The following SYT14 variants were observed in gnomAD, a reference collection of about 807,000 sequenced individuals.
SYT14 encodes synaptotagmin 14, also known as synaptotagmin-14.
In SYT14, 32 loss-of-function variants were observed where a neutral mutation model predicts 74.2. The observed-to-expected ratio is 0.43, with a 90% CI of 0.33 to 0.58. SYT14 has a LOEUF of 0.58. Ranked by LOEUF, SYT14 falls within the 20% of genes least tolerant of loss-of-function variation. The pLI is 0.05. For missense variants in SYT14, 791 were observed against 981.8 expected (o/e 0.81, Z 2.60); for synonymous variants, 298 against 337.7 (o/e 0.88, Z 1.29).
chr1:210,095,850 A>C (rs540111019), intron 6 of SYT14, among the ~76,000 whole-genome samples: 2 of 152,048 alleles, frequency 1.3e-5, no homozygotes, highest in Non-Finnish European at 2.9e-5. Context: ...TTTAAGTTTA[A>C]TATATCATTA....
exon 7 of SYT14, chr1:210,100,410 T>A (rs2082042628): frequency 2.5e-6 from 4 of 1,613,488 alleles, no homozygotes; most frequent in Non-Finnish European, 3.4e-6. Flanking sequence ...AATTGAATCT[T>A]CAAGGGAAAA....
At chr1:210,162,298 C>T (rs1237753214) in exon 10 of SYT14, 2 of 441,004 alleles carry the variant, frequency 4.5e-6, no homozygotes, top group Non-Finnish European at 4.5e-6. Flanking sequence ...ATTAAGCCTT[C>T]GATTTTTATA....
intron 5 of SYT14, among the ~76,000 whole-genome samples, chr1:210,046,088 T>A (rs1572208053): frequency 6.6e-6 from 1 of 152,202 alleles, no homozygotes; most frequent in Non-Finnish European, 1.5e-5. Flanking sequence ...AATTTACTCA[T>A]GGCTGGGTAT....
At chr1:209,972,709 G>A (rs527552278) in intron 2 of SYT14, among the ~76,000 whole-genome samples, 8 of 152,222 alleles carry the variant, frequency 5.3e-5, no homozygotes, top group Non-Finnish European at 1.0e-4. Flanking sequence ...TGATCTGAAC[G>A]TATGGTTGGA....
At chr1:209,945,036 G>C (rs1432813594) in intron 1 of SYT14, among the ~76,000 whole-genome samples, 2 of 151,964 alleles carry the variant, frequency 1.3e-5, no homozygotes, top group Admixed American at 6.6e-5. Context: ...TCCCTCTCTT[G>C]TCTGCAGCAG....
At chr1:209,982,731 T>C (rs979315745) in intron 2 of SYT14, among the ~76,000 whole-genome samples, 6 of 152,240 alleles carry the variant, frequency 3.9e-5, no homozygotes, top group African/African-American at 1.4e-4. Flanking sequence ...AATTGCTGGA[T>C]CATATGGTAA....
intron 5 of SYT14, among the ~76,000 whole-genome samples, chr1:210,068,881 T>C (rs2081343446): frequency 6.6e-6 from 1 of 151,816 alleles, no homozygotes. Flanking sequence ...CTTCATTGTT[T>C]TTCAGTCTTT....
intron 1 of SYT14, among the ~76,000 whole-genome samples, 189 bp downstream of exon 1, chr1:209,938,466 G>A (rs2078672341): frequency 6.6e-6 from 1 of 151,764 alleles, no homozygotes; most frequent in Admixed American, 6.6e-5. Flanking sequence ...GGGACGCCGG[G>A]CCCGACTGGC....
Position 210,111,271 on chromosome 1 carries a change from C to A in SYT14, c.2034+10810C>A, listed in dbSNP as rs756501556. Among the ~76,000 whole-genome samples the A allele has an allele frequency of 2.2e-4, 34 of 151,996 alleles. 1 individual carries two copies. The highest frequency in any genetic ancestry group is 3.4e-3 in the Middle Eastern group (1 of 294). On this transcript the variant is annotated intron_variant, in intron 7 of 9. Coordinates refer to ENST00000637265, the Ensembl canonical transcript of SYT14. The stretch of plus-strand genomic sequence containing the variant: ...AATTACAGTCAAAGGGGGTTGTTCT[C>A]TGGTGGGCAGGGGTGGGTGTCACAA...
chr1:210,014,038 T>C (rs1200272070), intron 3 of SYT14, among the ~76,000 whole-genome samples: 1 of 152,164 alleles, frequency 6.6e-6, no homozygotes, highest in Non-Finnish European at 1.5e-5. Flanking sequence ...TTTTCGTATG[T>C]AAGATATGCT....
At chr1:210,085,880 C>G (rs1000424888) in intron 5 of SYT14, among the ~76,000 whole-genome samples, 5 of 152,026 alleles carry the variant, frequency 3.3e-5, no homozygotes, top group Admixed American at 2.0e-4. Flanking sequence ...GTCCTGATGT[C>G]AAGGTTATTA....
exon 10 of SYT14, chr1:210,161,159 T>C (rs2083366401): frequency 8.7e-7 from 1 of 1,150,478 alleles, no homozygotes. Context: ...TTCAACCTTC[T>C]ACCAAAATGC....
intron 5 of SYT14, among the ~76,000 whole-genome samples, chr1:210,056,980 G>A (rs1346981784): frequency 1.3e-5 from 2 of 151,904 alleles, no homozygotes; most frequent in Non-Finnish European, 2.9e-5. Flanking sequence ...GAGTAGCTGG[G>A]ATTACAGGCG....
At chr1:209,970,701 T>C (rs2079240014) in intron 2 of SYT14, among the ~76,000 whole-genome samples, 1 of 94,924 alleles carries the variant, frequency 1.1e-5, no homozygotes, top group South Asian at 3.8e-4. Context: ...TTTTTTTTTT[T>C]GAGGCAGAGT....
intron 7 of SYT14, among the ~76,000 whole-genome samples, chr1:210,139,686 A>G (rs77037886): frequency 0.12 from 18,001 of 152,072 alleles, 1,436 homozygotes; most frequent in South Asian, 0.21. Flanking sequence ...TTTTGTCTCT[A>G]TGGTTTTGCC....
intron 6 of SYT14, among the ~76,000 whole-genome samples, chr1:210,098,919 C>T (rs2082012306): frequency 1.3e-5 from 2 of 152,068 alleles, no homozygotes; most frequent in South Asian, 4.1e-4. Context: ...GTCTCGAACT[C>T]CTGACCTCAA....
intron 7 of SYT14, among the ~76,000 whole-genome samples, chr1:210,106,000 A>G (rs1309700199): frequency 6.6e-6 from 1 of 152,150 alleles, no homozygotes; most frequent in Non-Finnish European, 1.5e-5. Context: ...AGCCAATTAA[A>G]CGTCTTTTCT....
At chr1:210,155,932 T>C in intron 8 of SYT14, 22 bp downstream of exon 7, 1 of 1,612,256 alleles carries the variant, frequency 6.2e-7, no homozygotes, top group Non-Finnish European at 8.5e-7. Context: ...ATAATTTTTT[T>C]AATTCTAATG....
At chr1:209,963,563 A>C (rs1021173392) in intron 2 of SYT14, among the ~76,000 whole-genome samples, 3 of 152,224 alleles carry the variant, frequency 2.0e-5, no homozygotes, top group African/African-American at 7.2e-5. Context: ...TGATCAATAA[A>C]ATTAATTTTC....
Sources: allele counts gnomAD v4.1 joint callset (sites outside exome capture counted in the v4.1 genomes callset), GRCh38; gene constraint gnomAD v4.1.1; transcripts MANE v1.5; gene names NCBI Gene and HGNC (gene_info 2026-07-23, HGNC 2026-07-21).